MID1: variants seen among roughly 807,000 people sequenced by gnomAD.
MID1 encodes the protein midline 1.
In MID1, 7 loss-of-function variants were observed where a neutral mutation model predicts 40.4. The observed-to-expected ratio is 0.17, with a 90% CI of 0.10 to 0.33. The LOEUF (loss-of-function observed/expected upper bound fraction) is 0.33, where lower values mean the gene tolerates loss of function less well. MID1 is among the 10% of genes least tolerant of loss of function. The pLI, the probability that MID1 is intolerant of heterozygous loss-of-function variation, is 1.00. For missense variants in MID1, 367 were observed against 558.5 expected (o/e 0.66, Z 3.46); for synonymous variants, 229 against 221.2 (o/e 1.04, Z -0.31).
At chrX:10,821,471 A>G (rs943246255) in intron 1 of MID1, among the ~76,000 whole-genome samples, 4 of 112,219 alleles carry the variant, frequency 3.6e-5, no homozygotes, top group African/African-American at 1.3e-4. Context: ...AAACCCTACT[A>G]GGACACTAGT....
chrX:10,689,445 C>T (rs762639425), intron 1 of MID1, among the ~76,000 whole-genome samples: 1 of 111,439 alleles, frequency 9.0e-6, no homozygotes, highest in Non-Finnish European at 1.9e-5. Flanking sequence ...ACCTCACCTC[C>T]CATCAGTTCC....
At position 10,751,496 on chromosome X, in the gene MID1, C is replaced by G. The variant is rs12861367; in HGVS notation, c.-187+82058G>C. Among the ~76,000 whole-genome samples, 172 of 109,170 alleles carry G rather than the reference C, an allele frequency of 1.6e-3. 1 individual carries two copies. The highest frequency in any genetic ancestry group is 4.7e-3 in the Middle Eastern group (1 of 213). The allele number at this position is 109,170 out of a possible 115,157, so 94.8% of individuals were successfully genotyped here. On this transcript the variant is annotated intron_variant, in intron 1 of 10. Coordinates refer to the MID1 transcript ENST00000380785. ...CTGTATGAAAAAATACAAAAATTAG[C>G]TGGGCATGCCTGTGGTCCCAGCTAC...
intron 1 of MID1, among the ~76,000 whole-genome samples, chrX:10,795,506 C>G (rs1324189166): frequency 8.9e-6 from 1 of 111,899 alleles, no homozygotes; most frequent in Non-Finnish European, 1.9e-5. Context: ...CATTGCATGC[C>G]AAGATTACAC....
At chrX:10,585,815 C>T (rs762156451) in intron 1 of MID1, among the ~76,000 whole-genome samples, 3 of 111,416 alleles carry the variant, frequency 2.7e-5, no homozygotes, top group Admixed American at 1.9e-4. Context: ...GATAAATGTA[C>T]TTATTTTCTG....
intron 1 of MID1, among the ~76,000 whole-genome samples, chrX:10,813,594 G>A (rs1197365802): frequency 9.0e-6 from 1 of 111,102 alleles, no homozygotes; most frequent in Non-Finnish European, 1.9e-5. Flanking sequence ...CAAAGGCTGA[G>A]TTTGTAAAGT....
intron 2 of MID1, among the ~76,000 whole-genome samples, chrX:10,563,743 G>A (rs145960319): frequency 1.4e-4 from 16 of 111,847 alleles, no homozygotes; most frequent in African/African-American, 4.2e-4. Flanking sequence ...CTCCGAAAGC[G>A]TTAGATTACT....
chrX:10,450,538 A>AAT (rs1928268976), intron 9 of MID1, among the ~76,000 whole-genome samples: 1 of 112,647 alleles, frequency 8.9e-6, no homozygotes, highest in Non-Finnish European at 1.9e-5. Flanking sequence ...GCCTGATGGC[A>AAT]CATATTAACA....
rs200251008 is a variant in MID1 at position 10,754,309 on chromosome X, G to GTTTTTTTTTTT, written c.-187+79244_-187+79245insAAAAAAAAAAA. Among the ~76,000 whole-genome samples the GTTTTTTTTTTT allele has an allele frequency of 3.7e-4, 39 of 104,555 alleles. 1 individual carries two copies. Among genetic ancestry groups the GTTTTTTTTTTT allele is most frequent in the African/African-American group, 1.6e-3 (39 of 25,084 alleles). 90.8% of individuals were successfully genotyped at this position (104,555 alleles called of 115,157 possible). On this transcript the variant is annotated intron_variant, in intron 1 of 10. Coordinates refer to the MID1 transcript ENST00000380785. ...AGAATAGACAAGAGAGTTTTTTTTT[G>GTTTTTTTTTTT]TTTTTTGTTTTTTGTTTTTTTTGTC... is the stretch of plus-strand genomic sequence containing the variant.
At chrX:10,833,384 G>T (rs1251912257) in intron 1 of MID1, among the ~76,000 whole-genome samples, 1 of 112,078 alleles carries the variant, frequency 8.9e-6, no homozygotes, top group African/African-American at 3.2e-5. Flanking sequence ...TTTTCGGTGT[G>T]CAAAACAGGC....
At chrX:10,625,029 T>C (rs372271877), upstream of MID1, among the ~76,000 whole-genome samples, 1 of 112,538 alleles carries the variant, frequency 8.9e-6, no homozygotes, top group Middle Eastern at 4.6e-3. Flanking sequence ...TTTTTTACTA[T>C]AATTTTTTAT....
intron 1 of MID1, among the ~76,000 whole-genome samples, chrX:10,710,071 G>T (rs2043256054): frequency 9.0e-6 from 1 of 111,730 alleles, no homozygotes; most frequent in Non-Finnish European, 1.9e-5. Context: ...GGTTGTCTGG[G>T]GAAAGAAGCT....
At chrX:10,818,025 A>G (rs183976846) in intron 1 of MID1, among the ~76,000 whole-genome samples, 1 of 112,299 alleles carries the variant, frequency 8.9e-6, no homozygotes, top group Non-Finnish European at 1.9e-5. Context: ...CCATTTTTGT[A>G]TATTTATAAG....
chrX:10,544,510 GT>G lies in MID1; in HGVS notation c.661-21324del, dbSNP rs753762695. Among the ~76,000 whole-genome samples, 15 of 112,265 alleles carry G rather than the reference GT, an allele frequency of 1.3e-4. No homozygotes were observed. In the Admixed American group the frequency reaches 1.4e-3, roughly 11 times the overall value. On this transcript the variant is annotated intron_variant, in intron 2 of 9. Coordinates refer to ENST00000317552, the MANE Select transcript of MID1 (RefSeq NM_000381.4). ...ATTAAAATACCTTAATTTGGGAAAT[GT>G]TTTTCTACAATGAATTGAAATCCTT...
At chrX:10,478,254 C>T (rs1930119491) in intron 5 of MID1, among the ~76,000 whole-genome samples, 1 of 112,295 alleles carries the variant, frequency 8.9e-6, no homozygotes, top group South Asian at 3.7e-4. Flanking sequence ...CATATACAAT[C>T]ACACCAAAGA....
chrX:10,784,443 C>CTTTTT (rs1222382957), intron 1 of MID1, among the ~76,000 whole-genome samples: 7 of 87,572 alleles, frequency 8.0e-5, no homozygotes, highest in Admixed American at 1.3e-4. Flanking sequence ...GTTGTATTTT[C>CTTTTT]TTTTTTTTTT....
At chrX:10,576,639 A>G (rs192863859) in intron 1 of MID1, 2 of 111,729 alleles carry the variant, frequency 1.8e-5, no homozygotes, top group Admixed American at 1.9e-4. Flanking sequence ...AATAGTGCAG[A>G]AAACCCCTCA....
chrX:10,465,650 G>A (rs892043637), intron 7 of MID1, among the ~76,000 whole-genome samples: 1 of 111,188 alleles, frequency 9.0e-6, no homozygotes, highest in African/African-American at 3.3e-5. Context: ...TGAAGTAGCA[G>A]ACTCTCTCCC....
At chrX:10,553,744 T>A (rs1934016682) in intron 2 of MID1, among the ~76,000 whole-genome samples, 1 of 111,946 alleles carries the variant, frequency 8.9e-6, no homozygotes, top group African/African-American at 3.3e-5. Context: ...TGGATTTCCA[T>A]ATTTCAACTT....
intron 1 of MID1, among the ~76,000 whole-genome samples, chrX:10,827,074 T>C (rs765137809): frequency 9.0e-6 from 1 of 111,665 alleles, no homozygotes; most frequent in East Asian, 2.8e-4. Flanking sequence ...TAAAGTCATT[T>C]GATTTCAACT....
Sources: gnomAD v4.1 joint callset for allele counts (sites outside exome capture counted in the v4.1 genomes callset) on GRCh38, gnomAD v4.1.1 for gene constraint, MANE v1.5 for transcripts, NCBI Gene and HGNC (gene_info 2026-07-23, HGNC 2026-07-21) for gene names.